The following MAN1A2 variants were observed in gnomAD, a reference collection of about 807,000 sequenced individuals.
The protein encoded by MAN1A2 is mannosyl-oligosaccharide 1,2-alpha-mannosidase IB.
A neutral mutation model predicts 75.7 loss-of-function variants in MAN1A2; 26 were observed. That is an observed-to-expected ratio of 0.34 (90% CI 0.25 to 0.48). The LOEUF (loss-of-function observed/expected upper bound fraction) is 0.48, where lower values mean the gene tolerates loss of function less well. MAN1A2 is among the 20% of genes least tolerant of loss of function. The pLI is 0.99. For missense variants in MAN1A2, 562 were observed against 775.5 expected, an observed-to-expected ratio of 0.72 and a Z score of 3.27; for synonymous variants, 247 against 264.6, an observed-to-expected ratio of 0.93 and a Z score of 0.65.
intron 3 of MAN1A2, among the ~76,000 whole-genome samples, chr1:117,407,724 A>G (rs765490828): frequency 1.3e-5 from 2 of 152,170 alleles, no homozygotes; most frequent in Non-Finnish European, 2.9e-5. Flanking sequence ...AGAAAACTTA[A>G]TCAGCTGAAT....
intron 10 of MAN1A2, among the ~76,000 whole-genome samples, chr1:117,497,708 A>T (rs28631236): frequency 6.6e-6 from 1 of 151,732 alleles, no homozygotes; most frequent in Non-Finnish European, 1.5e-5. Flanking sequence ...AGGCTTTTTT[A>T]AAAAAGACAA....
At chr1:117,403,512 T>A (rs1249675177) in intron 2 of MAN1A2, among the ~76,000 whole-genome samples, 1 of 152,198 alleles carries the variant, frequency 6.6e-6, no homozygotes, top group Admixed American at 6.5e-5. Context: ...ATAATTCAGA[T>A]AGATAACCAT....
At chr1:117,440,136 C>CA (rs1648982381) in intron 5 of MAN1A2, among the ~76,000 whole-genome samples, 3 of 152,126 alleles carry the variant, frequency 2.0e-5, no homozygotes, top group Admixed American at 2.0e-4. Flanking sequence ...CCCCAAGGTA[C>CA]AAAACAATAT....
chr1:117,497,337 T>G (rs899615845), intron 10 of MAN1A2, among the ~76,000 whole-genome samples: 11 of 151,974 alleles, frequency 7.2e-5, no homozygotes, highest in African/African-American at 2.4e-4. Context: ...ATTGACTGAC[T>G]TCAGTTATAT....
At chr1:117,395,910 A>G (rs1379099024) in intron 1 of MAN1A2, among the ~76,000 whole-genome samples, 2 of 152,226 alleles carry the variant, frequency 1.3e-5, no homozygotes, top group African/African-American at 4.8e-5. Flanking sequence ...GATTAAAATC[A>G]GCCAAGGGAA....
intron 4 of MAN1A2, among the ~76,000 whole-genome samples, chr1:117,415,600 G>A: frequency 6.6e-6 from 1 of 152,092 alleles, no homozygotes; most frequent in South Asian, 2.1e-4. Flanking sequence ...TATCAATTAA[G>A]TTTAGGTTTG....
At chr1:117,460,386 T>A (rs1649778820) in intron 6 of MAN1A2, 103 bp from the exon 7 acceptor site, 3 of 686,866 alleles carry the variant, frequency 4.4e-6, no homozygotes, top group Admixed American at 2.9e-5. Flanking sequence ...GTGTCAGATA[T>A]AATAATTTAT....
intron 6 of MAN1A2, among the ~76,000 whole-genome samples, chr1:117,451,613 A>C (rs958656765): frequency 4.7e-4 from 72 of 152,116 alleles, no homozygotes; most frequent in African/African-American, 1.6e-3. Context: ...GAATCATGCT[A>C]TTCTTGTGAT....
At chr1:117,432,340 C>T (rs1648698107) in intron 5 of MAN1A2, among the ~76,000 whole-genome samples, 1 of 150,094 alleles carries the variant, frequency 6.7e-6, no homozygotes, top group Non-Finnish European at 1.5e-5. Flanking sequence ...AAAGTCGATT[C>T]TTTTAAAGTA....
At chr1:117,448,178 G>A (rs547133150) in intron 6 of MAN1A2, among the ~76,000 whole-genome samples, 10 of 152,054 alleles carry the variant, frequency 6.6e-5, no homozygotes, top group African/African-American at 1.4e-4. Context: ...TTCTCCTTGC[G>A]GCAATTCTGA....
intron 8 of MAN1A2, among the ~76,000 whole-genome samples, chr1:117,491,104 A>AT (rs34356036): frequency 1.3e-4 from 20 of 149,908 alleles, no homozygotes; most frequent in East Asian, 5.9e-4. Context: ...GATCCAGAAG[A>AT]TTTTTTTTTT....
At chr1:117,434,391 G>A (rs762813253) in intron 5 of MAN1A2, among the ~76,000 whole-genome samples, 4 of 152,150 alleles carry the variant, frequency 2.6e-5, no homozygotes, top group Non-Finnish European at 5.9e-5. Flanking sequence ...TAAATTGTTA[G>A]AATATAAATT....
At chr1:117,497,691 G>A (rs530445190) in intron 10 of MAN1A2, among the ~76,000 whole-genome samples, 144 of 151,882 alleles carry the variant, frequency 9.5e-4, no homozygotes, top group Non-Finnish European at 1.7e-3. Context: ...GGAGGGAGAA[G>A]GCAATTAGGC....
At chr1:117,428,594 C>T (rs1203308751) in intron 5 of MAN1A2, among the ~76,000 whole-genome samples, 3 of 149,828 alleles carry the variant, frequency 2.0e-5, no homozygotes, top group East Asian at 1.9e-4. Context: ...ATAGTTAAAA[C>T]GACATAAAAG....
At chr1:117,509,131 CAA>C (rs34388806) in intron 12 of MAN1A2, among the ~76,000 whole-genome samples, 1 of 149,936 alleles carries the variant, frequency 6.7e-6, no homozygotes, top group Admixed American at 6.6e-5. Context: ...AACATCTGTA[CAA>C]AAAAAAGAGC....
At chr1:117,403,356 C>G (rs1403824863) in intron 2 of MAN1A2, among the ~76,000 whole-genome samples, 3 of 152,180 alleles carry the variant, frequency 2.0e-5, no homozygotes. Flanking sequence ...TACCTCACCT[C>G]TAGAGTCTGT....
At chr1:117,436,024 C>T (rs1364208100) in intron 5 of MAN1A2, among the ~76,000 whole-genome samples, 4 of 152,060 alleles carry the variant, frequency 2.6e-5, no homozygotes, top group Non-Finnish European at 5.9e-5. Context: ...CGCTGTTGCA[C>T]TCCAGCCTGG....
At chr1:117,521,053 C>CAT (rs1651857260) in intron 12 of MAN1A2, among the ~76,000 whole-genome samples, 1 of 151,152 alleles carries the variant, frequency 6.6e-6, no homozygotes, top group Admixed American at 6.6e-5. Flanking sequence ...AGCAAACAAA[C>CAT]AAAGTGGGGT....
At chr1:117,478,977 A>G (rs1456224966) in intron 8 of MAN1A2, among the ~76,000 whole-genome samples, 3 of 151,490 alleles carry the variant, frequency 2.0e-5, no homozygotes, top group Non-Finnish European at 4.4e-5. Flanking sequence ...TGCTTGTTAC[A>G]TAGGTAAACG....
Sources: gnomAD v4.1 joint callset for allele counts (sites outside exome capture counted in the v4.1 genomes callset) on GRCh38, gnomAD v4.1.1 for gene constraint, MANE v1.5 for transcripts, NCBI Gene and HGNC (gene_info 2026-07-23, HGNC 2026-07-21) for gene names.